PKIA: variants seen among roughly 807,000 people sequenced by gnomAD.
PKIA encodes the protein PKI-alpha.
In PKIA, 4 loss-of-function variants were observed where a neutral mutation model predicts 7.6. That is an observed-to-expected ratio of 0.52 (90% confidence interval 0.26 to 1.20). PKIA has a LOEUF of 1.20. Among genes scored for constraint, PKIA ranks in the 50% most tolerant of loss-of-function variants. PKIA has a pLI of 0.13. For synonymous variants in PKIA, 21 were observed against 30.7 expected (o/e 0.68, Z 1.04); for missense variants, 73 against 86.2 (o/e 0.85, Z 0.61).
rs1808411431 is a variant in PKIA at position 78,603,780 on chromosome 8, G to A, written c.*1959G>A. The A allele has an allele frequency of 6.6e-6, 1 of 151,878 alleles. No homozygotes were observed. Among genetic ancestry groups the A allele is most frequent in the Admixed American group, 6.6e-5 (1 of 15,214 alleles). The allele number at this position is 151,878 out of a possible 1,614,324, so 9.4% of individuals were successfully genotyped here. A position where few individuals can be genotyped will look rare whatever the true frequency, so the allele number is the denominator to read the frequency against. On this transcript the variant is annotated 3_prime_UTR_variant, in exon 4 of 4. Transcript: ENST00000396418. ...AATTTAAACTTCTCTTCTTTCTTAA[G>A]GTTGTGAAATTCCAAACTGATTTTA...
At chr8:78,528,269 T>C (rs1252288036) in intron 1 of PKIA, among the ~76,000 whole-genome samples, 1 of 152,090 alleles carries the variant, frequency 6.6e-6, no homozygotes, top group African/African-American at 2.4e-5. Context: ...ACTAGACTTT[T>C]AAAAAACAGC....
At chr8:78,592,373 T>C (rs79116281) in intron 2 of PKIA, among the ~76,000 whole-genome samples, 113 of 152,264 alleles carry the variant, frequency 7.4e-4, no homozygotes, top group African/African-American at 2.0e-3. Context: ...ATTACTTTTA[T>C]AGTAATAGCT....
At chr8:78,552,614 G>C (rs1186935042) in intron 1 of PKIA, among the ~76,000 whole-genome samples, 3 of 151,974 alleles carry the variant, frequency 2.0e-5, no homozygotes, top group Non-Finnish European at 4.4e-5. Context: ...ACCCTTAACA[G>C]GAACATGCAT....
At chr8:78,591,093 C>T (rs1226631606) in intron 2 of PKIA, 2 of 152,442 alleles carry the variant, frequency 1.3e-5, no homozygotes, top group African/African-American at 4.8e-5. Flanking sequence ...ATGACATTCT[C>T]TCCATTCTTT....
At chr8:78,593,270 G>A (rs1056427093) in intron 2 of PKIA, among the ~76,000 whole-genome samples, 2 of 152,096 alleles carry the variant, frequency 1.3e-5, no homozygotes, top group African/African-American at 4.8e-5. Flanking sequence ...TTACAGGCGT[G>A]CACCACTACG....
At chr8:78,557,777 G>A (rs1332897061) in intron 1 of PKIA, among the ~76,000 whole-genome samples, 3 of 152,188 alleles carry the variant, frequency 2.0e-5, no homozygotes, top group African/African-American at 7.2e-5. Flanking sequence ...TTCAATTCCA[G>A]TTAAAGTGAA....
chr8:78,519,327 A>G (rs1488533917), intron 1 of PKIA, among the ~76,000 whole-genome samples: 2 of 152,178 alleles, frequency 1.3e-5, no homozygotes, highest in Non-Finnish European at 2.9e-5. Flanking sequence ...AATAGCCTTA[A>G]GATTTGAGGC....
At chr8:78,564,094 T>C (rs567709265) in intron 1 of PKIA, among the ~76,000 whole-genome samples, 14 of 151,630 alleles carry the variant, frequency 9.2e-5, no homozygotes, top group Admixed American at 8.6e-4. Context: ...CTTAATGAGA[T>C]ATAAAGCAAC....
intron 1 of PKIA, among the ~76,000 whole-genome samples, chr8:78,560,077 T>G (rs188653177): frequency 6.6e-6 from 1 of 152,212 alleles, no homozygotes; most frequent in Non-Finnish European, 1.5e-5. Context: ...AAGCCTTTTG[T>G]TAAAAATAGC....
At chr8:78,589,896 G>A (rs944538432) in intron 2 of PKIA, among the ~76,000 whole-genome samples, 2 of 152,148 alleles carry the variant, frequency 1.3e-5, no homozygotes, top group East Asian at 3.9e-4. Flanking sequence ...GCAACTGTGG[G>A]TTGAGAGCTG....
At chr8:78,585,174 TC>T (rs1214458779) in intron 2 of PKIA, among the ~76,000 whole-genome samples, 2 of 152,002 alleles carry the variant, frequency 1.3e-5, no homozygotes, top group African/African-American at 4.8e-5. Flanking sequence ...TTAAAATAGT[TC>T]AGTGGATAAT....
At chr8:78,539,226 G>A (rs1806612070) in intron 1 of PKIA, among the ~76,000 whole-genome samples, 1 of 152,082 alleles carries the variant, frequency 6.6e-6, no homozygotes, top group Non-Finnish European at 1.5e-5. Flanking sequence ...TGTGATAAGA[G>A]ATTGAGAAAA....
At chr8:78,573,202 G>T (rs754815993) in intron 2 of PKIA, among the ~76,000 whole-genome samples, 8 of 152,018 alleles carry the variant, frequency 5.3e-5, no homozygotes, top group Non-Finnish European at 1.2e-4. Context: ...ATCCCAGGAG[G>T]TTAGGCCTGT....
chr8:78,562,040 G>T (rs78581304), intron 1 of PKIA, among the ~76,000 whole-genome samples: 2,627 of 152,218 alleles, frequency 0.017, 85 homozygotes, highest in African/African-American at 0.06. Context: ...CACTGAAAGG[G>T]AGAATAGACA....
chr8:78,531,895 A>G (rs1346553294), intron 1 of PKIA, among the ~76,000 whole-genome samples: 3 of 152,170 alleles, frequency 2.0e-5, no homozygotes, highest in Admixed American at 1.3e-4. Flanking sequence ...AAAGATTTCA[A>G]TAGAATAGTC....
chr8:78,540,862 G>T (rs1481273617), intron 1 of PKIA, among the ~76,000 whole-genome samples: 1 of 151,764 alleles, frequency 6.6e-6, no homozygotes, highest in Non-Finnish European at 1.5e-5. Context: ...CTTCCCAAAG[G>T]AGGCCTATAT....
At chr8:78,547,814 C>T (rs1806871621) in intron 1 of PKIA, among the ~76,000 whole-genome samples, 1 of 152,080 alleles carries the variant, frequency 6.6e-6, no homozygotes, top group African/African-American at 2.4e-5. Flanking sequence ...ATTTTTGAAT[C>T]TGGGTGAAGT....
chr8:78,593,767 A>G (rs536686201), intron 2 of PKIA, among the ~76,000 whole-genome samples: 24 of 152,348 alleles, frequency 1.6e-4, no homozygotes, highest in African/African-American at 5.8e-4. Flanking sequence ...TACTTAATTC[A>G]TTAACTATGC....
chr8:78,519,734 A>C (rs1809381142), intron 1 of PKIA, among the ~76,000 whole-genome samples: 1 of 152,194 alleles, frequency 6.6e-6, no homozygotes, highest in Admixed American at 6.5e-5. Context: ...GATATCTCTT[A>C]ATCTAATTTG....
Sources: allele counts gnomAD v4.1 joint callset (sites outside exome capture counted in the v4.1 genomes callset), GRCh38; gene constraint gnomAD v4.1.1; transcripts MANE v1.5; gene names NCBI Gene and HGNC (gene_info 2026-07-23, HGNC 2026-07-21).